IKBKB-DT: variants seen among roughly 807,000 people sequenced by gnomAD.
IKBKB-DT encodes IKBKB antisense RNA.
At chr8:42,253,119 T>C (rs1056138286) in intron 3 of IKBKB-DT, among the ~76,000 whole-genome samples, 2 of 152,158 alleles carry the variant, frequency 1.3e-5, no homozygotes, top group African/African-American at 2.4e-5. Context: ...TCATCTATTG[T>C]CTCTAAGGGC....
In IKBKB-DT at chr8:42,266,993, GTTTTTTTTTTGTTTT is replaced by G. The variant is rs1166619451; in HGVS notation, n.604-612_604-598del. On this transcript the variant is annotated intron_variant and non_coding_transcript_variant, in intron 1 of 3. Transcript: ENST00000518213. ...ATTCCTTTACCTTCTTTTTTTGTTTGTTTTTTTTTTGTTTTTTTTTTTTTTGAGGTGGAGTCTCGC... is the reference window on the plus strand; with the variant it reads ...ATTCCTTTACCTTCTTTTTTTGTTTGTTTTTTTTTTGAGGTGGAGTCTCGC... Among the ~76,000 whole-genome samples the G allele has an allele frequency of 3.0e-5, 4 of 135,542 alleles. No homozygotes were observed. The East Asian group carries it at 6.3e-4, about 21-fold the overall frequency. 88.9% of individuals were successfully genotyped at this position (135,542 alleles called of 152,430 possible).
chr8:42,248,416 T>G (rs965444808), intron 3 of IKBKB-DT, among the ~76,000 whole-genome samples: 1 of 152,150 alleles, frequency 6.6e-6, no homozygotes, highest in Non-Finnish European at 1.5e-5. Flanking sequence ...GCCAAGCAGC[T>G]GTACAGTGCA....
chr8:42,241,222 ATCTTTTTTTTTTTTTTTTTTTTT>A (rs1464869045), intron 3 of IKBKB-DT, among the ~76,000 whole-genome samples: 5 of 66,604 alleles, frequency 7.5e-5, no homozygotes, highest in African/African-American at 2.4e-4. Context: ...ATATGTTGGA[ATCTTTTTTTTTTTTTTTTTTTTT>A]TTTTTTTTTT....
exon 2 of IKBKB-DT, among the ~76,000 whole-genome samples, chr8:42,265,912 C>G (rs1321138770): frequency 6.6e-6 from 1 of 152,140 alleles, no homozygotes; most frequent in Non-Finnish European, 1.5e-5. Flanking sequence ...CAGGTCCAGT[C>G]ACAGAGACAG....
At chr8:42,241,031 A>G (rs1265063470) in intron 3 of IKBKB-DT, among the ~76,000 whole-genome samples, 1 of 152,156 alleles carries the variant, frequency 6.6e-6, no homozygotes, top group Non-Finnish European at 1.5e-5. Flanking sequence ...TCTTGTTCCA[A>G]TTCAACCTTC....
At chr8:42,243,254 T>A (rs544503595) in intron 3 of IKBKB-DT, among the ~76,000 whole-genome samples, 81 of 152,340 alleles carry the variant, frequency 5.3e-4, no homozygotes, top group African/African-American at 1.9e-3. Flanking sequence ...TATCTCTCCA[T>A]GCAGCCTCCT....
intron 3 of IKBKB-DT, among the ~76,000 whole-genome samples, chr8:42,245,738 GA>G (rs1807055599): frequency 6.6e-6 from 1 of 152,184 alleles, no homozygotes; most frequent in East Asian, 1.9e-4. Flanking sequence ...AAAATGTACT[GA>G]AAAGATAAAC....
intron 3 of IKBKB-DT, among the ~76,000 whole-genome samples, chr8:42,251,007 G>A (rs1214754310): frequency 6.6e-6 from 1 of 152,344 alleles, no homozygotes; most frequent in Admixed American, 6.5e-5. Flanking sequence ...CACTTTGGGA[G>A]GCCAAGGTGG....
intron 3 of IKBKB-DT, among the ~76,000 whole-genome samples, chr8:42,263,094 C>G (rs2129932805): frequency 6.6e-6 from 1 of 152,162 alleles, no homozygotes; most frequent in African/African-American, 2.4e-5. Flanking sequence ...CCAGGGTGGT[C>G]TCAAACTCCT....
At chr8:42,235,822 G>A (rs774680128) in intron 3 of IKBKB-DT, among the ~76,000 whole-genome samples, 2 of 152,052 alleles carry the variant, frequency 1.3e-5, no homozygotes, top group Non-Finnish European at 2.9e-5. Context: ...TGTGCAGTGG[G>A]CAGTAAGAAC....
intron 3 of IKBKB-DT, among the ~76,000 whole-genome samples, chr8:42,247,646 G>T (rs1323246561): frequency 6.6e-6 from 1 of 151,940 alleles, no homozygotes; most frequent in African/African-American, 2.4e-5. Context: ...TAATCCTCAG[G>T]TGTTGAGGGA....
intron 1 of IKBKB-DT, chr8:42,270,251 T>C (rs1016935530): frequency 1.3e-5 from 2 of 152,258 alleles, no homozygotes; most frequent in African/African-American, 4.8e-5. Flanking sequence ...CTCAACACTT[T>C]GGGAAGCCCA....
chr8:42,257,376 C>T (rs1220635520), intron 3 of IKBKB-DT, among the ~76,000 whole-genome samples: 1 of 152,028 alleles, frequency 6.6e-6, no homozygotes, highest in African/African-American at 2.4e-5. Flanking sequence ...GTGGCACGCG[C>T]CTGTAGTCCC....
rs546732010 is a variant in IKBKB-DT at position 42,262,841 on chromosome 8, T to A, written n.1529+488A>T. On this transcript the variant is annotated intron_variant and non_coding_transcript_variant, in intron 3 of 3. Transcript: ENST00000518213. ...GCATCCTCAATTTTCTGGGCTCTAG[T>A]GATCCTCCTGCCTCAGCCTCCTGAG... Among the ~76,000 whole-genome samples, 4 of 148,654 alleles carry A rather than the reference T, an allele frequency of 2.7e-5. No homozygotes were observed. The South Asian group carries it at 8.6e-4, about 32-fold the overall frequency.
At chr8:42,261,286 C>A (rs1376024422) in intron 3 of IKBKB-DT, among the ~76,000 whole-genome samples, 1 of 152,170 alleles carries the variant, frequency 6.6e-6, no homozygotes, top group Admixed American at 6.5e-5. Flanking sequence ...CATGATCACG[C>A]AACTGCACTC....
intron 1 of IKBKB-DT, among the ~76,000 whole-genome samples, chr8:42,268,450 T>C (rs1807406398): frequency 1.3e-5 from 2 of 152,110 alleles, no homozygotes; most frequent in Admixed American, 1.3e-4. Context: ...TTTGTATTTT[T>C]AGTAGAGACG....
At chr8:42,255,898 C>A (rs971373888) in intron 3 of IKBKB-DT, among the ~76,000 whole-genome samples, 3 of 151,742 alleles carry the variant, frequency 2.0e-5, no homozygotes, top group Non-Finnish European at 4.4e-5. Flanking sequence ...TGGTGGCGGG[C>A]ACCTGTAATC....
chr8:42,236,131 G>C (rs945982307), intron 3 of IKBKB-DT, among the ~76,000 whole-genome samples: 2 of 151,364 alleles, frequency 1.3e-5, no homozygotes, highest in African/African-American at 4.9e-5. Context: ...TCCATACAAA[G>C]GAAACTTTTA....
chr8:42,241,862 T>G (rs1807008544), intron 3 of IKBKB-DT, among the ~76,000 whole-genome samples: 1 of 152,100 alleles, frequency 6.6e-6, no homozygotes, highest in African/African-American at 2.4e-5. Context: ...TTCAGTTAGA[T>G]GGTCGAACTA....
Sources: allele counts gnomAD v4.1 joint callset (sites outside exome capture counted in the v4.1 genomes callset), GRCh38; gene constraint gnomAD v4.1.1; transcripts MANE v1.5; gene names NCBI Gene and HGNC (gene_info 2026-07-23, HGNC 2026-07-21).